Variants in PSPH observed in about 807,000 individuals in gnomAD.
PSPH encodes L-3-phosphoserine phosphatase.
Under a neutral mutation model 23.4 loss-of-function variants are expected in PSPH, and 16 were observed. The observed-to-expected ratio is 0.68, with a 90% CI of 0.46 to 1.04. PSPH has a LOEUF of 1.04. Among genes scored for constraint, PSPH ranks in the 50% least tolerant of loss-of-function variants. The probability of loss-of-function intolerance (pLI) is 0.00; values close to 1 mark genes in which losing one functional copy is unlikely to be tolerated. For synonymous variants in PSPH, 68 were observed against 99.7 expected, an observed-to-expected ratio of 0.68 and a Z score of 1.89; for missense variants, 223 against 273.7, an observed-to-expected ratio of 0.81 and a Z score of 1.31.
chr7:56,032,239 A>G (rs1241199907), intron 2 of PSPH, among the ~76,000 whole-genome samples, 185 bp from the exon 3 acceptor site: 1 of 152,146 alleles, frequency 6.6e-6, no homozygotes, highest in Admixed American at 6.6e-5. Flanking sequence ...TAGAGTCAAC[A>G]TACTCTTCTA....
At chr7:56,030,257 G>A (rs1447183820) in intron 3 of PSPH, among the ~76,000 whole-genome samples, 1 of 151,978 alleles carries the variant, frequency 6.6e-6, no homozygotes, top group Non-Finnish European at 1.5e-5. Context: ...TCAGAAGTGT[G>A]CGCCACCACA....
chr7:56,020,996 G>GTCTA (rs1159390743), intron 4 of PSPH, 77 bp downstream of exon 4: 1 of 1,533,516 alleles, frequency 6.5e-7, no homozygotes, highest in East Asian at 2.4e-5. Context: ...CATAGCCAGG[G>GTCTA]TCTAGCACTT....
intron 1 of PSPH, among the ~76,000 whole-genome samples, chr7:56,049,101 T>G (rs1394452345): frequency 6.6e-6 from 1 of 151,622 alleles, no homozygotes; most frequent in East Asian, 2.0e-4. Context: ...TTTTTTTGTA[T>G]TTTTAGTAGA....
chr7:56,022,764 A>C (rs1322475624), intron 3 of PSPH, among the ~76,000 whole-genome samples: 1 of 152,202 alleles, frequency 6.6e-6, no homozygotes, highest in African/African-American at 2.4e-5. Context: ...GGTCTGATTA[A>C]AGTCCAGGAA....
At chr7:56,029,913 G>A (rs984142836) in intron 3 of PSPH, among the ~76,000 whole-genome samples, 7 of 149,900 alleles carry the variant, frequency 4.7e-5, no homozygotes, top group African/African-American at 1.7e-4. Flanking sequence ...GGAGGCAGAG[G>A]TTGCAGTGAG....
At chr7:56,022,766 G>A (rs1370641276) in intron 3 of PSPH, among the ~76,000 whole-genome samples, 1 of 152,064 alleles carries the variant, frequency 6.6e-6, no homozygotes, top group East Asian at 1.9e-4. Flanking sequence ...TCTGATTAAA[G>A]TCCAGGAAGA....
In PSPH at chr7:56,021,241, A is replaced by T; in HGVS notation, c.-19-10T>A. ...TGGAAGAATTTTCCTCCTACAAGAA[A>T]AAAGATAAATGTATTTAAAGACATC... is the stretch of plus-strand genomic sequence containing the variant. On this transcript the variant is annotated splice_polypyrimidine_tract_variant and intron_variant, in intron 3 of 7. Coordinates refer to ENST00000275605, the MANE Select transcript of PSPH (RefSeq NM_004577.4). 5 of 1,611,012 alleles carry T rather than the reference A, an allele frequency of 3.1e-6. No homozygotes were observed. Among genetic ancestry groups the T allele is most frequent in the South Asian group, 1.1e-5 (1 of 90,936 alleles).
chr7:56,042,066 T>C lies in PSPH; in HGVS notation c.-291-7960A>G, dbSNP rs1792621015. On this transcript the variant is annotated intron_variant, in intron 1 of 7. Coordinates refer to ENST00000275605, the MANE Select transcript of PSPH (RefSeq NM_004577.4). The stretch of plus-strand genomic sequence containing the variant: ...GGTGAAACCTCGTCTCTACTAAAAC[T>C]ACAAAAATTACCAGGGTGTGGTGTC... 2.6e-5 allele frequency among the ~76,000 whole-genome samples: 4 copies of C among 151,688 alleles called. No homozygotes were observed. In the South Asian group the frequency reaches 8.3e-4, roughly 32 times the overall value.
intron 3 of PSPH, among the ~76,000 whole-genome samples, chr7:56,023,016 G>A (rs983003136): frequency 2.0e-5 from 3 of 152,102 alleles, no homozygotes; most frequent in Non-Finnish European, 4.4e-5. Context: ...CCAAGATCAC[G>A]CCACTGCACT....
intron 1 of PSPH, among the ~76,000 whole-genome samples, chr7:56,046,598 AAC>A (rs1416757387): frequency 6.6e-6 from 1 of 152,036 alleles, no homozygotes; most frequent in Non-Finnish European, 1.5e-5. Context: ...CAGCCTGGCC[AAC>A]ATGGTGAAGC....
intron 1 of PSPH, 148 bp downstream of exon 1, chr7:56,050,990 G>A (rs984664349): frequency 2.0e-5 from 3 of 152,160 alleles, no homozygotes; most frequent in Non-Finnish European, 4.4e-5. Flanking sequence ...TTGAGCTCAG[G>A]AGTTTGAGAC....
chr7:56,050,020 G>A lies in PSPH; in HGVS notation c.-292+1118C>T, dbSNP rs1448735477. Among the ~76,000 whole-genome samples, 8 of 152,048 alleles carry A rather than the reference G, an allele frequency of 5.3e-5. No homozygotes were observed. The East Asian group carries it at 7.7e-4, about 15-fold the overall frequency. ...CAAAGTACTGGGATTACAAGCGTGC[G>A]CCACCATGCTTGGCCTCCTCATAAC... On this transcript the variant is annotated intron_variant, in intron 1 of 7. Transcript: ENST00000275605.
chr7:56,024,594 T>A (rs1042578657), intron 3 of PSPH, among the ~76,000 whole-genome samples: 8 of 151,528 alleles, frequency 5.3e-5, no homozygotes, highest in Non-Finnish European at 1.2e-4. Flanking sequence ...AAAGTATTTT[T>A]AAAATTAGCC....
chr7:56,034,617 G>C (rs1312387160), intron 1 of PSPH, among the ~76,000 whole-genome samples: 1 of 152,090 alleles, frequency 6.6e-6, no homozygotes, highest in African/African-American at 2.4e-5. Context: ...CTGGATTCAC[G>C]GTATTCTCCT....
At chr7:56,020,129 G>A (rs1789148642) in intron 4 of PSPH, among the ~76,000 whole-genome samples, 1 of 151,824 alleles carries the variant, frequency 6.6e-6, no homozygotes, top group South Asian at 2.1e-4. Flanking sequence ...TGAGGCAGGA[G>A]AATTGCTGGA....
chr7:56,041,781 C>T (rs940024685), intron 1 of PSPH, among the ~76,000 whole-genome samples: 3 of 151,556 alleles, frequency 2.0e-5, no homozygotes, highest in East Asian at 2.0e-4. Flanking sequence ...AAAATTAGCC[C>T]GGTGTGGTAG....
chr7:56,038,679 A>T lies in PSPH; in HGVS notation c.-291-4573T>A, dbSNP rs569617192. Among the ~76,000 whole-genome samples, 76 of 152,000 alleles carry T rather than the reference A, an allele frequency of 5.0e-4. 1 individual carries two copies. Among genetic ancestry groups the T allele is most frequent in the African/African-American group, 1.8e-3 (75 of 41,500 alleles). The stretch of plus-strand genomic sequence containing the variant: ...CTAAGACCTAATCTGTACAAAAAAT[A>T]AACAAAATTAGCTGGACGTGCACAC... On this transcript the variant is annotated intron_variant, in intron 1 of 7. Coordinates refer to ENST00000275605, the MANE Select transcript of PSPH (RefSeq NM_004577.4).
At chr7:56,026,014 C>T (rs1790139345) in intron 3 of PSPH, among the ~76,000 whole-genome samples, 1 of 152,090 alleles carries the variant, frequency 6.6e-6, no homozygotes, top group Admixed American at 6.6e-5. Flanking sequence ...ATCAAGTGGC[C>T]TCCCTTATAC....
At chr7:56,028,754 C>A (rs1459778025) in intron 3 of PSPH, among the ~76,000 whole-genome samples, 1 of 152,028 alleles carries the variant, frequency 6.6e-6, no homozygotes, top group Non-Finnish European at 1.5e-5. Flanking sequence ...CCTTTTAGCT[C>A]TTCCCATCCT....
Sources: allele counts gnomAD v4.1 joint callset (sites outside exome capture counted in the v4.1 genomes callset), GRCh38; gene constraint gnomAD v4.1.1; transcripts MANE v1.5; gene names NCBI Gene and HGNC (gene_info 2026-07-23, HGNC 2026-07-21).